GRAPL: variants seen among roughly 807,000 people sequenced by gnomAD.
GRAPL encodes the protein GRB2-related adapter protein-like.
Position 19,144,668 on chromosome 17 carries a change from C to T in GRAPL, c.299+6080C>T, listed in dbSNP as rs1842388242. Among the ~76,000 whole-genome samples the T allele has an allele frequency of 3.8e-5, 4 of 106,158 alleles. No homozygotes were observed. The South Asian group carries it at 2.3e-3, about 62-fold the overall frequency. 69.6% of individuals were successfully genotyped at this position (106,158 alleles called of 152,430 possible). A position where few individuals can be genotyped will look rare whatever the true frequency, so the allele number is the denominator to read the frequency against. ...CAACTCAGGCCCACAATCCCAGTGC[C>T]CCCTCCCTCCTCTGGCTCTGGGAGG... is the stretch of plus-strand genomic sequence containing the variant. On this transcript the variant is annotated intron_variant, in intron 3 of 3. Transcript: ENST00000344415.
chr17:19,147,048 TGTGCGCGCGCGC>T (rs1342852899), intron 3 of GRAPL, among the ~76,000 whole-genome samples: 1 of 125,990 alleles, frequency 7.9e-6, no homozygotes, highest in Admixed American at 7.7e-5. Flanking sequence ...TGTGTGTGTG[TGTGCGCGCGCGC>T]GCGCGTGCAT....
At chr17:19,147,071 G>C (rs1358721549) in intron 3 of GRAPL, among the ~76,000 whole-genome samples, 4 of 140,032 alleles carry the variant, frequency 2.9e-5, no homozygotes, top group Admixed American at 2.1e-4. Flanking sequence ...GCGCGTGCAT[G>C]TGTCCCATCA....
intron 3 of GRAPL, among the ~76,000 whole-genome samples, chr17:19,147,102 T>G (rs1894153664): frequency 7.0e-6 from 1 of 143,124 alleles, no homozygotes; most frequent in Non-Finnish European, 1.5e-5. Flanking sequence ...TGCTTTGGAC[T>G]GGTGGTTGGA....
At chr17:19,149,004 C>T (rs1383422686) in intron 3 of GRAPL, among the ~76,000 whole-genome samples, 3 of 130,210 alleles carry the variant, frequency 2.3e-5, no homozygotes, top group Non-Finnish European at 3.2e-5. Flanking sequence ...AGTGGGCTGG[C>T]TGGAAGGCTG....
intron 3 of GRAPL, among the ~76,000 whole-genome samples, chr17:19,148,879 G>C (rs1201009569): frequency 7.9e-6 from 1 of 125,952 alleles, no homozygotes; most frequent in Non-Finnish European, 1.7e-5. Context: ...TTGCACTCTA[G>C]CCTGGGTGAC....
chr17:19,149,035 G>C (rs1177929287), intron 3 of GRAPL, among the ~76,000 whole-genome samples: 1 of 131,680 alleles, frequency 7.6e-6, no homozygotes, highest in Admixed American at 8.4e-5. Flanking sequence ...GGAAATGAGA[G>C]AGAAAAATCC....
intron 3 of GRAPL, among the ~76,000 whole-genome samples, chr17:19,148,883 G>A (rs1486993007): frequency 5.5e-5 from 7 of 128,112 alleles, no homozygotes; most frequent in Non-Finnish European, 1.1e-4. Flanking sequence ...ACTCTAGCCT[G>A]GGTGACAGAG....
intron 2 of GRAPL, among the ~76,000 whole-genome samples, chr17:19,136,677 AG>A (rs1202030440): frequency 3.0e-5 from 2 of 66,384 alleles, no homozygotes; most frequent in African/African-American, 7.4e-5. Flanking sequence ...AAAACACTGG[AG>A]TTAGGAAAGC....
intron 3 of GRAPL, chr17:19,144,158 A>G (rs2044684578): frequency 8.8e-6 from 1 of 113,390 alleles, no homozygotes; most frequent in South Asian, 1.4e-4. Flanking sequence ...CCCAGCGGGC[A>G]GTTAGCACCC....
intron 3 of GRAPL, among the ~76,000 whole-genome samples, chr17:19,149,216 G>A (rs2044718549): frequency 9.9e-6 from 1 of 100,846 alleles, no homozygotes; most frequent in Non-Finnish European, 1.8e-5. Context: ...TGTAATCCCA[G>A]CTACTCAGGA....
intron 3 of GRAPL, among the ~76,000 whole-genome samples, chr17:19,149,295 C>G (rs1195194498): frequency 1.2e-5 from 1 of 86,800 alleles, no homozygotes; most frequent in African/African-American, 8.0e-5. Context: ...TGCCACTGCA[C>G]TCCAGCCTGG....
rs553103199 is a variant in GRAPL, at chr17:19,147,177, T to C, written c.299+8589T>C. Among the ~76,000 whole-genome samples, 63 of 145,972 alleles carry C rather than the reference T, an allele frequency of 4.3e-4. 7 individuals are homozygous for C. Among genetic ancestry groups the C allele is most frequent in the Middle Eastern group, 6.9e-3 (2 of 288 alleles). ...TGTGGCTCAGGAGGCTGAGGGGCTATCTACCTCCCAGTGGTCATCCTGTGC... is the reference window on the plus strand; with the variant it reads ...TGTGGCTCAGGAGGCTGAGGGGCTACCTACCTCCCAGTGGTCATCCTGTGC... On this transcript the variant is annotated intron_variant, in intron 3 of 3. Coordinates refer to ENST00000344415, the MANE Select transcript of GRAPL (RefSeq NM_001129778.3).
intron 3 of GRAPL, among the ~76,000 whole-genome samples, chr17:19,148,901 A>C (rs1412338911): frequency 1.6e-5 from 2 of 121,646 alleles, no homozygotes; most frequent in East Asian, 1.4e-3. Flanking sequence ...GAGCGAGACC[A>C]CGCCTCAAAA....
At chr17:19,147,060 C>T (rs528999695) in intron 3 of GRAPL, among the ~76,000 whole-genome samples, 5 of 134,360 alleles carry the variant, frequency 3.7e-5, no homozygotes, top group Admixed American at 7.3e-5. Flanking sequence ...TGCGCGCGCG[C>T]GCGCGTGCAT....
intron 3 of GRAPL, chr17:19,144,249 T>A: frequency 3.4e-6 from 1 of 291,024 alleles, no homozygotes; most frequent in Non-Finnish European, 6.2e-6. Context: ...CCCAGCCTTG[T>A]TTTTCCTCTC....
chr17:19,148,951 T>C (rs1406457654), intron 3 of GRAPL, among the ~76,000 whole-genome samples: 1 of 128,494 alleles, frequency 7.8e-6, no homozygotes, highest in African/African-American at 2.9e-5. Context: ...GAGCAGGCTC[T>C]CTCCTCCGCT....
intron 2 of GRAPL, among the ~76,000 whole-genome samples, chr17:19,133,662 T>C (rs1237471134): frequency 6.6e-6 from 1 of 151,730 alleles, no homozygotes; most frequent in African/African-American, 2.4e-5. Flanking sequence ...GAGGTGGCAA[T>C]GAGTGAGGTT....
chr17:19,149,328 CAAAAAAAA>C (rs1169593968), intron 3 of GRAPL, among the ~76,000 whole-genome samples: 4 of 12,634 alleles, frequency 3.2e-4, no homozygotes, highest in African/African-American at 1.9e-3. Flanking sequence ...GACTCTGTCT[CAAAAAAAA>C]AAAAAAAAAA....
At chr17:19,147,016 GGT>G (rs764286470) in intron 3 of GRAPL, among the ~76,000 whole-genome samples, 2,749 of 98,258 alleles carry the variant, frequency 0.028, 165 homozygotes, top group African/African-American at 0.051. Context: ...GAGAGGTAGG[GGT>G]GTGTGTGTGT....
Sources: gnomAD v4.1 joint callset for allele counts (sites outside exome capture counted in the v4.1 genomes callset) on GRCh38, gnomAD v4.1.1 for gene constraint, MANE v1.5 for transcripts, NCBI Gene and HGNC (gene_info 2026-07-23, HGNC 2026-07-21) for gene names.